Variants in KDM2B observed in about 807,000 individuals in gnomAD.
KDM2B encodes lysine demethylase 2B.
A neutral mutation model predicts 150.0 loss-of-function variants in KDM2B; 26 were observed. The ratio of observed to expected loss-of-function variants is 0.17; its 90% CI spans 0.13 to 0.24. The LOEUF (loss-of-function observed/expected upper bound fraction) is 0.24. Ranked by LOEUF, KDM2B falls within the 10% of genes least tolerant of loss-of-function variation. KDM2B has a pLI of 1.00. For missense variants in KDM2B, 1,265 were observed against 1,816.9 expected, an observed-to-expected ratio of 0.70 and a Z score of 5.52; for synonymous variants, 734 against 729.5, an observed-to-expected ratio of 1.01 and a Z score of -0.10.
chr12:121,567,706 C>CTTTTTTTT (rs1180847689), intron 4 of KDM2B, among the ~76,000 whole-genome samples: 4 of 120,932 alleles, frequency 3.3e-5, no homozygotes, highest in African/African-American at 6.5e-5. Context: ...AAATACATTT[C>CTTTTTTTT]TTTTTTTTTT....
At chr12:121,410,248 TG>T in the KDM2B span, among the ~76,000 whole-genome samples, 2 of 151,668 alleles carry the variant, frequency 1.3e-5, no homozygotes, top group African/African-American at 4.8e-5. Flanking sequence ...TTTTCAAATA[TG>T]CTGCATGGGG....
chr12:121,442,160 C>T lies in KDM2B; in HGVS notation c.3281G>A (p.Arg1094His). The T allele has an allele frequency of 1.9e-6, 3 of 1,613,368 alleles. No homozygotes were observed. Among genetic ancestry groups the T allele is most frequent in the Non-Finnish European group, 2.5e-6 (3 of 1,179,818 alleles). ...CCCTACACAGGCCGCCGCTCACCAGCGGTTCCAGGTCCTGCAGACCCGCAT... is the reference window on the plus strand; with the variant it reads ...CCCTACACAGGCCGCCGCTCACCAGTGGTTCCAGGTCCTGCAGACCCGCAT... Reference protein sequence around the residue: ...VCMRVCRTWNRWCCDKRLWTR... With the variant: ...VCMRVCRTWNHWCCDKRLWTR... The change falls in exon 19 of 23, where the codon CGC becomes CAC. Residue 1094 changes from arginine to histidine, a missense_variant. Coordinates refer to ENST00000377071, the MANE Select transcript of KDM2B (RefSeq NM_032590.5). This position sits in a 1 kb window ranked among gnomAD's most constrained non-coding sequence, Gnocchi z 7.7.
chr12:121,488,220 A>T (rs1381981122), intron 12 of KDM2B, among the ~76,000 whole-genome samples: 1 of 152,238 alleles, frequency 6.6e-6, no homozygotes, highest in South Asian at 2.1e-4. Context: ...AGCAAATGAT[A>T]ATTTTGGGAT....
At chr12:121,416,347 T>C in the KDM2B span, 1 of 1,613,660 alleles carries the variant, frequency 6.2e-7, no homozygotes, top group Non-Finnish European at 8.5e-7. Flanking sequence ...GTAAAGCCTG[T>C]GGGCTTTCAT....
intron 4 of KDM2B, among the ~76,000 whole-genome samples, chr12:121,554,068 C>T (rs1300470986): frequency 6.6e-6 from 1 of 151,196 alleles, no homozygotes; most frequent in Admixed American, 6.6e-5. Flanking sequence ...CACACACACA[C>T]ACACACACAC....
In KDM2B at chr12:121,521,880, G is replaced by A. The variant is rs1185325859; in HGVS notation, c.932-780C>T. On this transcript the variant is annotated intron_variant, in intron 8 of 22. Transcript: ENST00000377071. The surrounding 1 kb of genome is among the most constrained non-coding windows in gnomAD (Gnocchi z 4.9). ...TCCCAGCACTTTGGGAGGCTGAGGC[G>A]GGAAGATCGCTTGAGCTCAGCAGTT... Among the ~76,000 whole-genome samples the A allele has an allele frequency of 2.6e-5, 4 of 152,228 alleles. No individual in the cohort carries two copies. The highest frequency in any genetic ancestry group is 4.8e-5 in the African/African-American group (2 of 41,528).
In KDM2B at chr12:121,440,806, G is replaced by A. The variant is rs1555287987; in HGVS notation, c.3610+10C>T. 2.5e-6 allele frequency: 4 copies of A among 1,599,290 alleles called. No homozygotes were observed. Among genetic ancestry groups the A allele is most frequent in the Non-Finnish European group, 1.7e-6 (2 of 1,172,486 alleles). On this transcript the variant is annotated intron_variant, in intron 21 of 22. Transcript: ENST00000377071. ...CCACCCCCACAGAAACCCCCAGCCT[G>A]GCAACTCACCTGGCCTGTTGTCTGT... is the stretch of plus-strand genomic sequence containing the variant.
At chr12:121,478,866 T>TTGTTTGTTTGTTTG (rs61509046) in intron 12 of KDM2B, among the ~76,000 whole-genome samples, 3 of 131,216 alleles carry the variant, frequency 2.3e-5, no homozygotes, top group South Asian at 5.3e-4. Flanking sequence ...TTTTGTTTGT[T>TTGTTTGTTTGTTTG]TGTGTGTGTG....
chr12:121,575,008 G>T lies in KDM2B; in HGVS notation c.351-415C>A, dbSNP rs1197088196. On this transcript the variant is annotated intron_variant, in intron 3 of 22. Coordinates refer to ENST00000377071, the MANE Select transcript of KDM2B (RefSeq NM_032590.5). This position sits in a 1 kb window ranked among gnomAD's most constrained non-coding sequence, Gnocchi z 4.4. ...TCCATGAGGAGTTTTATGCAAAGTGGGACGGACCCCTTTAAGTTCAGAGGG... is the reference window on the plus strand; with the variant it reads ...TCCATGAGGAGTTTTATGCAAAGTGTGACGGACCCCTTTAAGTTCAGAGGG... 1.3e-5 allele frequency among the ~76,000 whole-genome samples: 2 copies of T among 152,178 alleles called. No homozygotes were observed. Among genetic ancestry groups the T allele is most frequent in the Non-Finnish European group, 2.9e-5 (2 of 68,042 alleles).
intron 11 of KDM2B, among the ~76,000 whole-genome samples, chr12:121,495,283 C>G (rs1480629463): frequency 6.6e-6 from 1 of 152,048 alleles, no homozygotes; most frequent in African/African-American, 2.4e-5. Flanking sequence ...GCCCCAGCCT[C>G]CCGAGTAGCT....
At chr12:121,469,474 C>T (rs1880510605) in intron 12 of KDM2B, 1 of 151,004 alleles carries the variant, frequency 6.6e-6, no homozygotes, top group African/African-American at 2.4e-5. Context: ...AAAATTAGCT[C>T]GGTGTGGTGG....
chr12:121,573,127 T>G (rs1341239250), intron 4 of KDM2B, among the ~76,000 whole-genome samples: 2 of 68,256 alleles, frequency 2.9e-5, no homozygotes, highest in Non-Finnish European at 5.9e-5. Flanking sequence ...CCCGGCCTAA[T>G]TTTTTTTTTT....
chr12:121,496,493 CT>C lies in KDM2B; in HGVS notation c.1648-1829del, dbSNP rs782450832. Among the ~76,000 whole-genome samples the C allele has an allele frequency of 4.7e-3, 566 of 121,466 alleles. 3 individuals are homozygous for C. The highest frequency in any genetic ancestry group is 0.021 in the Middle Eastern group (5 of 234). 79.7% of individuals were successfully genotyped at this position (121,466 alleles called of 152,430 possible). A position where few individuals can be genotyped will look rare whatever the true frequency, so the allele number is the denominator to read the frequency against. ...CTTCCAGTTTACTCTGCTCATTGTC[CT>C]TTTTTTTTTTTTTTTTTTTTGAGAC... On this transcript the variant is annotated intron_variant, in intron 11 of 22. Coordinates refer to ENST00000377071, the MANE Select transcript of KDM2B (RefSeq NM_032590.5).
At chr12:121,450,748 T>A (rs1877114439) in intron 13 of KDM2B, among the ~76,000 whole-genome samples, 1 of 151,904 alleles carries the variant, frequency 6.6e-6, no homozygotes, top group Non-Finnish European at 1.5e-5. Context: ...TAGTCCCAGC[T>A]ACTCTGGAGG....
chr12:121,426,251 G>C (rs116380011), downstream of KDM2B, among the ~76,000 whole-genome samples: 4,807 of 152,272 alleles, frequency 0.032, 267 homozygotes, highest in African/African-American at 0.11. Context: ...TATAGAAAGA[G>C]TACAAAATGC....
chr12:121,417,807 C>G, the KDM2B span: 1 of 1,614,108 alleles, frequency 6.2e-7, no homozygotes, highest in Non-Finnish European at 8.5e-7. This position sits in a 1 kb window ranked among gnomAD's most constrained non-coding sequence, Gnocchi z 5.0. Flanking sequence ...CTTTTTTACA[C>G]GTTCGTTTTT....
intron 12 of KDM2B, among the ~76,000 whole-genome samples, chr12:121,463,546 G>A (rs1879404716): frequency 1.3e-5 from 2 of 152,124 alleles, no homozygotes; most frequent in South Asian, 4.2e-4. Context: ...ATAATTTCCT[G>A]ATTTTTTCAA....
At chr12:121,580,061 G>A in intron 1 of KDM2B, 1 of 1,604,222 alleles carries the variant, frequency 6.2e-7, no homozygotes, top group Non-Finnish European at 8.5e-7. Flanking sequence ...ATTTTTTTAG[G>A]AGAGTTCACC....
rs183768786 is a variant in KDM2B at position 121,538,885 on chromosome 12, C to A, written c.684-4295G>T. Among the ~76,000 whole-genome samples, 16 of 152,208 alleles carry A rather than the reference C, an allele frequency of 1.1e-4. No homozygotes were observed. The East Asian group carries it at 2.9e-3, about 28-fold the overall frequency. ...AACTCCAGGAGGAGTCCAGAGGTTACAGCCAAACCTCACCACTAACCTCCA... is the reference window on the plus strand; with the variant it reads ...AACTCCAGGAGGAGTCCAGAGGTTAAAGCCAAACCTCACCACTAACCTCCA... On this transcript the variant is annotated intron_variant, in intron 6 of 22. Coordinates refer to ENST00000377071, the MANE Select transcript of KDM2B (RefSeq NM_032590.5).
Sources: gnomAD v4.1 joint callset for allele counts (sites outside exome capture counted in the v4.1 genomes callset) on GRCh38, gnomAD v4.1.1 for gene constraint, Gnocchi (gnomAD v3.1) non-coding constraint, MANE v1.5 for transcripts, NCBI Gene and HGNC (gene_info 2026-07-23, HGNC 2026-07-21) for gene names.